The following COL11A1 variants were observed in gnomAD, a reference collection of about 807,000 sequenced individuals.
COL11A1 encodes the protein collagen alpha-1(XI) chain.
In COL11A1, 74 loss-of-function variants were observed where a neutral mutation model predicts 265.2. That is an observed-to-expected ratio of 0.28 (90% CI 0.23 to 0.34). The LOEUF (loss-of-function observed/expected upper bound fraction) is 0.34. Among genes scored for constraint, COL11A1 ranks in the 10% least tolerant of loss-of-function variants. The pLI is 1.00. For synonymous variants in COL11A1, 816 were observed against 727.6 expected, an observed-to-expected ratio of 1.12 and a Z score of -1.96; for missense variants, 2,165 against 2,263.6, an observed-to-expected ratio of 0.96 and a Z score of 0.88.
intron 32 of COL11A1, 116 bp from the exon 33 acceptor site, chr1:102,979,220 T>C: frequency 7.8e-7 from 1 of 1,278,998 alleles, no homozygotes; most frequent in Non-Finnish European, 1.1e-6. Flanking sequence ...TTCGTATTCA[T>C]TTAGAGACAG....
intron 15 of COL11A1, among the ~76,000 whole-genome samples, chr1:103,007,981 A>AT (rs200370040): frequency 6.6e-6 from 1 of 151,608 alleles, no homozygotes; most frequent in African/African-American, 2.4e-5. Context: ...AACAGTACAA[A>AT]TTTTTTTTTA....
intron 44 of COL11A1, among the ~76,000 whole-genome samples, chr1:102,938,823 G>A (rs1658419430): frequency 1.3e-5 from 2 of 151,856 alleles, no homozygotes; most frequent in South Asian, 4.1e-4. Flanking sequence ...TATAAATAAT[G>A]GCCTTACAAT....
intron 54 of COL11A1, among the ~76,000 whole-genome samples, chr1:102,902,682 G>A (rs1653361745): frequency 6.6e-6 from 1 of 151,546 alleles, no homozygotes; most frequent in Admixed American, 6.6e-5. Context: ...GAAATTTTAA[G>A]AGGATTTATA....
chr1:102,879,991 GA>G, intron 65 of COL11A1, 75 bp from the exon 66 acceptor site: 37 of 964,758 alleles, frequency 3.8e-5, no homozygotes, highest in Non-Finnish European at 5.4e-5. Flanking sequence ...AATCACTGCA[GA>G]CAGTGAACTG....
At position 102,931,863 on chromosome 1, in the gene COL11A1, T is replaced by C. The variant is rs543585473; in HGVS notation, c.3600+2586A>G. On this transcript the variant is annotated intron_variant, in intron 46 of 66. Transcript: ENST00000370096. Reference sequence around the variant, plus strand: ...ATTATGTAATGGCCTTCTTTGTCTCTTTTGATCTTTGTTGGTTTAAAGTCT... The same window carrying C: ...ATTATGTAATGGCCTTCTTTGTCTCCTTTGATCTTTGTTGGTTTAAAGTCT... 1.5e-4 allele frequency among the ~76,000 whole-genome samples: 22 copies of C among 151,532 alleles called. No individual in the cohort carries two copies. In the East Asian group the frequency reaches 4.2e-3, roughly 29 times the overall value.
chr1:103,050,905 G>A (rs1669760332), intron 4 of COL11A1, among the ~76,000 whole-genome samples: 1 of 152,178 alleles, frequency 6.6e-6, no homozygotes, highest in Non-Finnish European at 1.5e-5. Flanking sequence ...AGCAGAGGCT[G>A]CAGAACAGTG....
chr1:103,054,203 T>C (rs1670046575), intron 4 of COL11A1, among the ~76,000 whole-genome samples: 2 of 152,224 alleles, frequency 1.3e-5, no homozygotes, highest in South Asian at 2.1e-4. Flanking sequence ...GTTGTTTTAA[T>C]ACATTATACA....
At chr1:102,974,291 T>A (rs1662256029) in intron 36 of COL11A1, among the ~76,000 whole-genome samples, 3 of 152,214 alleles carry the variant, frequency 2.0e-5, no homozygotes. Context: ...TGATGAACAT[T>A]CAAGTGTTGC....
intron 4 of COL11A1, among the ~76,000 whole-genome samples, chr1:103,048,760 A>C (rs970736117): frequency 6.6e-6 from 1 of 152,024 alleles, no homozygotes; most frequent in Non-Finnish European, 1.5e-5. Flanking sequence ...CCCTCTACAC[A>C]CTGCTTTGAA....
chr1:102,974,897 G>A lies in COL11A1; in HGVS notation c.2755-14C>T, dbSNP rs371275890. On this transcript the variant is annotated splice_polypyrimidine_tract_variant and intron_variant, in intron 35 of 66. Transcript: ENST00000370096. ...TCCTTGAGGACCCTGGAAATAAAAAGCAGTGGGGAGAAGTTAACAATATGC... is the reference window on the plus strand; with the variant it reads ...TCCTTGAGGACCCTGGAAATAAAAAACAGTGGGGAGAAGTTAACAATATGC... 8.7e-6 allele frequency: 14 copies of A among 1,609,926 alleles called. No individual in the cohort carries two copies. Among genetic ancestry groups the A allele is most frequent in the Non-Finnish European group, 1.1e-5 (13 of 1,176,470 alleles).
intron 37 of COL11A1, 98 bp downstream of exon 37, chr1:102,970,121 C>A: frequency 2.4e-6 from 2 of 846,016 alleles, no homozygotes; most frequent in Non-Finnish European, 3.9e-6. Flanking sequence ...TTTTCTCAAC[C>A]TAGTAATTGA....
intron 14 of COL11A1, among the ~76,000 whole-genome samples, chr1:103,011,009 T>C (rs1666083523): frequency 6.6e-6 from 1 of 152,150 alleles, no homozygotes; most frequent in Non-Finnish European, 1.5e-5. Flanking sequence ...CTGATATTTG[T>C]AAATTAAATC....
chr1:103,012,384 C>T, intron 14 of COL11A1, 29 bp downstream of exon 14: 1 of 1,589,234 alleles, frequency 6.3e-7, no homozygotes, highest in Non-Finnish European at 8.6e-7. Context: ...AAAATTTTAA[C>T]ATATATTATC....
chr1:102,894,291 T>G (rs1453391697), intron 57 of COL11A1, among the ~76,000 whole-genome samples: 1 of 152,150 alleles, frequency 6.6e-6, no homozygotes, highest in African/African-American at 2.4e-5. Flanking sequence ...CCCAGCACTT[T>G]GGGAGACAGA....
chr1:103,103,311 T>A (rs1674435961), intron 1 of COL11A1, among the ~76,000 whole-genome samples: 1 of 151,964 alleles, frequency 6.6e-6, no homozygotes, highest in African/African-American at 2.4e-5. Flanking sequence ...AAATTTGCCA[T>A]TTTTTATTTG....
chr1:103,061,642 T>C (rs931733926), intron 4 of COL11A1, among the ~76,000 whole-genome samples: 7 of 151,976 alleles, frequency 4.6e-5, no homozygotes, highest in African/African-American at 1.7e-4. Flanking sequence ...GAAGACAAAA[T>C]CTCAGGAATA....
At chr1:103,031,034 A>T (rs770051621) in intron 5 of COL11A1, 82 bp downstream of exon 5, 9 of 1,471,794 alleles carry the variant, frequency 6.1e-6, no homozygotes, top group Non-Finnish European at 7.5e-6. Context: ...AAAATGGAAT[A>T]AATAAGTATA....
At chr1:102,967,821 T>A (rs145979260) in intron 37 of COL11A1, among the ~76,000 whole-genome samples, 3 of 152,282 alleles carry the variant, frequency 2.0e-5, no homozygotes, top group Non-Finnish European at 4.4e-5. Context: ...TCTTACTAAC[T>A]GTGAGAGCAA....
At chr1:102,897,837 C>T (rs1322418382) in intron 57 of COL11A1, among the ~76,000 whole-genome samples, 1 of 152,032 alleles carries the variant, frequency 6.6e-6, no homozygotes, top group Non-Finnish European at 1.5e-5. Context: ...AGGGAACTAT[C>T]CAGACTAGGA....
Sources: allele counts gnomAD v4.1 joint callset (sites outside exome capture counted in the v4.1 genomes callset), GRCh38; gene constraint gnomAD v4.1.1; transcripts MANE v1.5; gene names NCBI Gene and HGNC (gene_info 2026-07-23, HGNC 2026-07-21).